RARB: variants seen among roughly 807,000 people sequenced by gnomAD.
The protein encoded by RARB is HBV-activated protein.
In RARB, 17 loss-of-function variants were observed where a neutral mutation model predicts 51.9. The ratio of observed to expected loss-of-function variants is 0.33; its 90% CI spans 0.22 to 0.49. RARB has a LOEUF of 0.49. Among genes scored for constraint, RARB ranks in the 20% least tolerant of loss-of-function variants. The pLI is 0.99. For synonymous variants in RARB, 215 were observed against 195.4 expected (o/e 1.10, Z -0.84); for missense variants, 369 against 550.8 (o/e 0.67, Z 3.30).
chr3:24,916,199 C>A (rs745880887), intron 2 of RARB, among the ~76,000 whole-genome samples: 9 of 152,016 alleles, frequency 5.9e-5, no homozygotes, highest in Non-Finnish European at 1.2e-4. Flanking sequence ...AAGCTAGAGC[C>A]CTCTTTATGA....
intron 2 of RARB, among the ~76,000 whole-genome samples, chr3:24,861,601 A>C (rs1052783079): frequency 1.4e-5 from 1 of 73,934 alleles, no homozygotes; most frequent in Admixed American, 1.9e-4. Flanking sequence ...TTATAAAAAA[A>C]AAAAAAAAAA....
rs753321842 is a variant in RARB at position 25,500,454 on chromosome 3, GTTTT to G, written c.307-704_307-701del. Among the ~76,000 whole-genome samples, 14 of 66,140 alleles carry G rather than the reference GTTTT, an allele frequency of 2.1e-4. No individual in the cohort carries two copies. The South Asian group carries it at 3.5e-3, about 16-fold the overall frequency. The allele number at this position is 66,140 out of a possible 152,430, so 43.4% of individuals were successfully genotyped here. On this transcript the variant is annotated intron_variant, in intron 2 of 7. Coordinates refer to ENST00000330688, the MANE Select transcript of RARB (RefSeq NM_000965.5). Reference sequence around the variant, plus strand: ...ATAATTTCTTTTTCTTTCTTTTCTTGTTTTTTTTTTTTTTTTTTTTTTTTTTTGG... The same window carrying G: ...ATAATTTCTTTTTCTTTCTTTTCTTGTTTTTTTTTTTTTTTTTTTTTTTGG...
chr3:25,107,894 T>C (rs1241977155), intron 3 of RARB, among the ~76,000 whole-genome samples: 1 of 152,228 alleles, frequency 6.6e-6, no homozygotes, highest in African/African-American at 2.4e-5. Flanking sequence ...CCTTATTAAG[T>C]AGAGAACTTT....
chr3:25,259,999 A>T, intron 5 of RARB: 1 of 985,246 alleles, frequency 1.0e-6, no homozygotes, highest in African/African-American at 1.7e-5. Context: ...TACTCTCCTC[A>T]GTTTGTTTTT....
rs373681654 is a variant in RARB at position 25,420,573 on chromosome 3, G to T, written c.179-40620G>T. On this transcript the variant is annotated intron_variant, in intron 5 of 11. Coordinates refer to the RARB transcript ENST00000383772. ...ATTTCATCAGAAAATTCTTTTCAAG[G>T]ATTCTAGAGAAAGATACATGCATGA... Among the ~76,000 whole-genome samples the T allele has an allele frequency of 2.6e-4, 39 of 152,256 alleles. 1 individual carries two copies. In the South Asian group the frequency reaches 7.7e-3, roughly 30 times the overall value.
chr3:25,273,359 T>C (rs1461899208), intron 5 of RARB, among the ~76,000 whole-genome samples: 1 of 152,230 alleles, frequency 6.6e-6, no homozygotes. Flanking sequence ...TGTTTACAAG[T>C]AACCTTTAAA....
intron 5 of RARB, among the ~76,000 whole-genome samples, chr3:25,250,524 T>C (rs1702686448): frequency 6.6e-6 from 1 of 152,104 alleles, no homozygotes; most frequent in South Asian, 2.1e-4. Flanking sequence ...ATGGCACTTG[T>C]AGATGTGTGG....
chr3:25,174,685 G>A, intron 5 of RARB: 1 of 1,049,752 alleles, frequency 9.5e-7, no homozygotes, highest in South Asian at 1.5e-5. Flanking sequence ...TTGGGTGCTG[G>A]TTTCTTTTGG....
chr3:25,596,180 CAT>C (rs1481444958), intron 7 of RARB, among the ~76,000 whole-genome samples: 1 of 152,202 alleles, frequency 6.6e-6, no homozygotes, highest in Admixed American at 6.5e-5. Context: ...TAAACTAACA[CAT>C]GATTTTTGGT....
intron 2 of RARB, among the ~76,000 whole-genome samples, chr3:25,027,461 T>G (rs1211521744): frequency 6.6e-6 from 1 of 152,150 alleles, no homozygotes; most frequent in Non-Finnish European, 1.5e-5. Context: ...TTTCTGAAAT[T>G]CTGGGATCCT....
At chr3:24,876,247 T>C (rs1245045923) in intron 2 of RARB, among the ~76,000 whole-genome samples, 2 of 152,188 alleles carry the variant, frequency 1.3e-5, no homozygotes, top group Admixed American at 6.5e-5. Context: ...TATGTAAATA[T>C]CCTGAATCTC....
chr3:25,172,833 G>A (rs899525975), intron 4 of RARB, among the ~76,000 whole-genome samples: 1 of 151,980 alleles, frequency 6.6e-6, no homozygotes, highest in Non-Finnish European at 1.5e-5. Context: ...TTTCTCTGTT[G>A]TATTACTTCA....
At chr3:25,359,701 CTT>C (rs1399023972) in intron 5 of RARB, among the ~76,000 whole-genome samples, 1 of 152,088 alleles carries the variant, frequency 6.6e-6, no homozygotes, top group African/African-American at 2.4e-5. Flanking sequence ...TTTCAAATAA[CTT>C]ATTTATTTCT....
rs143120580 is a variant in RARB, at chr3:25,119,673, C to CA, written c.-327-12486dup. Among the ~76,000 whole-genome samples the CA allele has an allele frequency of 9.1e-3, 1,340 of 147,130 alleles. 16 individuals are homozygous for CA. The highest frequency in any genetic ancestry group is 0.029 in the African/African-American group (1,130 of 39,248). On this transcript the variant is annotated intron_variant, in intron 3 of 11. Coordinates refer to the RARB transcript ENST00000383772. ...AAACAAACAAACAAAAAAAAAACAA[C>CA]AACAAAAAAAACACTGCTCTTGTGT...
In RARB at chr3:25,251,347, T is replaced by C. The variant is rs575453582; in HGVS notation, c.178+76772T>C. ...CTATAAATATTTGTGTACAAGTTTT[T>C]TCATGGACATATGTTTTCAATTTTC... On this transcript the variant is annotated intron_variant, in intron 5 of 11. Coordinates refer to the RARB transcript ENST00000383772. 3.3e-5 allele frequency among the ~76,000 whole-genome samples: 5 copies of C among 152,276 alleles called. 1 individual carries two copies. Among genetic ancestry groups the C allele is most frequent in the African/African-American group, 1.2e-4 (5 of 41,572 alleles).
chr3:25,408,000 C>T (rs1707457917), intron 5 of RARB, among the ~76,000 whole-genome samples: 1 of 152,080 alleles, frequency 6.6e-6, no homozygotes, highest in African/African-American at 2.4e-5. Context: ...CTTTTATTGC[C>T]CCCATCTCTT....
chr3:25,563,603 C>T (rs894089335), intron 3 of RARB, among the ~76,000 whole-genome samples: 6 of 152,218 alleles, frequency 3.9e-5, no homozygotes, highest in South Asian at 2.1e-4. Flanking sequence ...AAAAGTAAGT[C>T]TCTAACAATT....
At chr3:25,007,592 C>CAA (rs759589176) in intron 2 of RARB, among the ~76,000 whole-genome samples, 961 of 45,388 alleles carry the variant, frequency 0.021, 84 homozygotes, top group African/African-American at 0.097. Context: ...GAGACTGTCT[C>CAA]AAAAAAAAAA....
chr3:25,192,705 GACA>G lies in RARB; in HGVS notation c.178+18132_178+18134del, dbSNP rs1280344604. On this transcript the variant is annotated intron_variant, in intron 5 of 11. Transcript: ENST00000383772. ...ATGTTTTGGCATCTGTACTGCCTCA[GACA>G]ATCCTGAACCACAAAACACACAGAC... Among the ~76,000 whole-genome samples, 5 of 151,956 alleles carry G rather than the reference GACA, an allele frequency of 3.3e-5. No individual in the cohort carries two copies. In the East Asian group the frequency reaches 9.7e-4, roughly 29 times the overall value.
Sources: gnomAD v4.1 joint callset for allele counts (sites outside exome capture counted in the v4.1 genomes callset) on GRCh38, gnomAD v4.1.1 for gene constraint, MANE v1.5 for transcripts, NCBI Gene and HGNC (gene_info 2026-07-23, HGNC 2026-07-21) for gene names.